Variants in KANK1 observed in about 807,000 individuals in gnomAD.
KANK1 encodes the protein KN motif and ankyrin repeat domains 1.
In KANK1, 109 loss-of-function variants were observed where a neutral mutation model predicts 106.2. The observed-to-expected ratio is 1.03, with a 90% CI of 0.88 to 1.20. KANK1 has a LOEUF of 1.20. Among genes scored for constraint, KANK1 ranks in the 50% most tolerant of loss-of-function variants. KANK1 has a pLI of 0.00. For missense variants in KANK1, 2,399 were observed against 1,710.7 expected (o/e 1.40, Z -7.10); for synonymous variants, 873 against 652.2 (o/e 1.34, Z -5.16).
chr9:639,179 C>T (rs894847585), intron 1 of KANK1, among the ~76,000 whole-genome samples: 1 of 152,130 alleles, frequency 6.6e-6, no homozygotes, highest in African/African-American at 2.4e-5. Flanking sequence ...TTTACTTCAG[C>T]TGGGATTACA....
At chr9:612,946 G>A (rs1272781168) in intron 1 of KANK1, among the ~76,000 whole-genome samples, 1 of 152,044 alleles carries the variant, frequency 6.6e-6, no homozygotes, top group Admixed American at 6.6e-5. Flanking sequence ...GATCCCAACA[G>A]GAGCATCATA....
chr9:497,955 C>T (rs746334432), intron 3 of KANK1, among the ~76,000 whole-genome samples: 3 of 152,108 alleles, frequency 2.0e-5, no homozygotes, highest in African/African-American at 4.8e-5. Flanking sequence ...GGTATGACTT[C>T]GGGGATCTCT....
chr9:529,817 A>G (rs1239427884), intron 1 of KANK1, among the ~76,000 whole-genome samples: 5 of 152,208 alleles, frequency 3.3e-5, no homozygotes, highest in Admixed American at 3.3e-4. Context: ...TTACCAGGTG[A>G]ATGCATATGT....
chr9:720,142 C>T (rs1564074414), intron 3 of KANK1, among the ~76,000 whole-genome samples: 1 of 152,162 alleles, frequency 6.6e-6, no homozygotes, highest in South Asian at 2.1e-4. Context: ...CTGACCAAGT[C>T]GTAAAATGAG....
At chr9:529,234 TACACACACAC>T (rs5895851) in intron 1 of KANK1, among the ~76,000 whole-genome samples, 3 of 148,704 alleles carry the variant, frequency 2.0e-5, no homozygotes, top group Non-Finnish European at 1.5e-5. Flanking sequence ...TATATATATA[TACACACACAC>T]ACACACACAC....
chr9:661,997 T>G (rs1010213136), intron 1 of KANK1, among the ~76,000 whole-genome samples: 42 of 152,326 alleles, frequency 2.8e-4, no homozygotes, highest in Middle Eastern at 3.4e-3. Flanking sequence ...GTAAATTTGT[T>G]TAAGTTCTTT....
At chr9:485,652 C>G (rs1193990899) in intron 3 of KANK1, among the ~76,000 whole-genome samples, 2 of 152,150 alleles carry the variant, frequency 1.3e-5, no homozygotes, top group Admixed American at 1.3e-4. Context: ...GCGGGCAGAT[C>G]ACTTCAGGTC....
chr9:700,066 C>G (rs1451842935), intron 2 of KANK1, among the ~76,000 whole-genome samples: 1 of 152,196 alleles, frequency 6.6e-6, no homozygotes. Context: ...GCAGTATAAA[C>G]TCTGTGAGGA....
chr9:557,747 C>T lies in KANK1; in HGVS notation c.-84+52993C>T, dbSNP rs141554974. On this transcript the variant is annotated intron_variant, in intron 1 of 11. Coordinates refer to ENST00000382297, the MANE Select transcript of KANK1 (RefSeq NM_015158.5). ...AATCTGTTTTGTAAAAGGACCTGTA[C>T]GGCCAGGTGTGGTGGCTGACACCTG... Among the ~76,000 whole-genome samples, 39 of 152,262 alleles carry T rather than the reference C, an allele frequency of 2.6e-4. No homozygotes were observed. In the East Asian group the frequency reaches 2.9e-3, roughly 11 times the overall value.
chr9:515,314 C>T (rs2059232439), intron 1 of KANK1, among the ~76,000 whole-genome samples: 1 of 147,408 alleles, frequency 6.8e-6, no homozygotes, highest in Non-Finnish European at 1.5e-5. Context: ...CACTGCCCTC[C>T]AGCCTGGGTG....
At chr9:561,484 A>G (rs898623952) in intron 1 of KANK1, among the ~76,000 whole-genome samples, 1 of 152,234 alleles carries the variant, frequency 6.6e-6, no homozygotes, top group Non-Finnish European at 1.5e-5. Context: ...TACAATGAAG[A>G]TATCTCAAAT....
At chr9:652,502 G>A (rs992414021) in intron 1 of KANK1, among the ~76,000 whole-genome samples, 3 of 152,178 alleles carry the variant, frequency 2.0e-5, no homozygotes, top group Non-Finnish European at 4.4e-5. Context: ...CAGCCTGGGC[G>A]ACAAGAGCGA....
intron 1 of KANK1, among the ~76,000 whole-genome samples, chr9:648,886 C>A (rs570546177): frequency 6.6e-6 from 1 of 152,204 alleles, no homozygotes; most frequent in East Asian, 1.9e-4. Flanking sequence ...AGGGATGAGA[C>A]TCTAGTTAAA....
At chr9:499,370 T>G (rs1185598093) in intron 3 of KANK1, among the ~76,000 whole-genome samples, 1 of 152,142 alleles carries the variant, frequency 6.6e-6, no homozygotes, top group African/African-American at 2.4e-5. Context: ...AAACAAAATG[T>G]GGTACATCCA....
At chr9:719,444 C>G (rs866755792) in intron 3 of KANK1, among the ~76,000 whole-genome samples, 5 of 152,132 alleles carry the variant, frequency 3.3e-5, no homozygotes, top group Non-Finnish European at 7.3e-5. Context: ...GAATGTCAAG[C>G]TGAAAATGTG....
At chr9:538,421 A>G (rs1181086593) in intron 1 of KANK1, among the ~76,000 whole-genome samples, 1 of 152,238 alleles carries the variant, frequency 6.6e-6, no homozygotes, top group Admixed American at 6.5e-5. Context: ...AGAGGGAAAG[A>G]AAAACATTTA....
chr9:700,055 G>A (rs1386053685), intron 2 of KANK1, among the ~76,000 whole-genome samples: 1 of 152,200 alleles, frequency 6.6e-6, no homozygotes, highest in Non-Finnish European at 1.5e-5. Flanking sequence ...AATTGCAGTA[G>A]GCAGTATAAA....
chr9:745,923 A>C lies in KANK1; in HGVS notation c.*688A>C, dbSNP rs940310251. The C allele has an allele frequency of 6.6e-6, 1 of 152,658 alleles. No homozygotes were observed. The highest frequency in any genetic ancestry group is 1.5e-5 in the Non-Finnish European group (1 of 68,040). The allele number at this position is 152,658 out of a possible 1,614,324, so 9.5% of individuals were successfully genotyped here. A position where few individuals can be genotyped will look rare whatever the true frequency, so the allele number is the denominator to read the frequency against. ...GTATTAATTGCACAACTCCAATGCT[A>C]AAGGTTGGATTGTGTTAGAGGAATC... On this transcript the variant is annotated 3_prime_UTR_variant, in exon 12 of 12. Transcript: ENST00000382297.
intron 1 of KANK1, among the ~76,000 whole-genome samples, chr9:670,949 G>GTTTTTTGTTT (rs1845739347): frequency 1.9e-5 from 2 of 103,044 alleles, no homozygotes; most frequent in African/African-American, 6.6e-5. Context: ...GTCTGCTGGA[G>GTTTTTTGTTT]TTTTTTTTTT....
Sources: allele counts gnomAD v4.1 joint callset (sites outside exome capture counted in the v4.1 genomes callset), GRCh38; gene constraint gnomAD v4.1.1; transcripts MANE v1.5; gene names NCBI Gene and HGNC (gene_info 2026-07-23, HGNC 2026-07-21).